The following MAPK4 variants were observed in gnomAD, a reference collection of about 807,000 sequenced individuals.
MAPK4 encodes the protein mitogen-activated protein kinase 4, also known as Erk3-related.
Under a neutral mutation model 47.7 loss-of-function variants are expected in MAPK4, and 22 were observed. The ratio of observed to expected loss-of-function variants is 0.46; its 90% CI spans 0.33 to 0.66. MAPK4 has a LOEUF of 0.66. MAPK4 is among the 30% of genes least tolerant of loss of function. MAPK4 has a pLI of 0.02. For missense variants in MAPK4, 736 were observed against 831.7 expected (o/e 0.88, Z 1.42); for synonymous variants, 390 against 365.7 (o/e 1.07, Z -0.76).
rs546684210 is a variant in MAPK4, at chr18:50,729,303, T to G, written c.1213T>G (p.Ser405Ala). 3 of 1,606,584 alleles carry G rather than the reference T, an allele frequency of 1.9e-6. No homozygotes were observed. Among genetic ancestry groups the G allele is most frequent in the Non-Finnish European group, 2.5e-6 (3 of 1,176,794 alleles). ...CCCGCGCAAGGACTCGCACAGCAGC[T>G]CCGAGCGCTTCCTAGAGCAGTCGCA... ...VDPRKDSHSS[S>A]ERFLEQSHSS... The change falls in exon 6 of 6, where the codon TCC becomes GCC. Residue 405 changes from serine (S) to alanine (A), a missense_variant. By Grantham distance (99) the Ser-to-Ala change is moderately conservative. Transcript: ENST00000400384.
At chr18:50,561,014 G>T (rs1270076868) in intron 1 of MAPK4, among the ~76,000 whole-genome samples, 1 of 152,272 alleles carries the variant, frequency 6.6e-6, no homozygotes, top group East Asian at 1.9e-4. Flanking sequence ...GATGCCCCGG[G>T]AGGGGGCTGT....
intron 5 of MAPK4, among the ~76,000 whole-genome samples, chr18:50,726,468 C>G (rs932216821): frequency 1.1e-4 from 16 of 152,104 alleles, no homozygotes; most frequent in Admixed American, 2.6e-4. Flanking sequence ...TTAGTGAACA[C>G]CATGGTAGGA....
chr18:50,665,507 G>T (rs1234913969), intron 2 of MAPK4, among the ~76,000 whole-genome samples: 1 of 152,242 alleles, frequency 6.6e-6, no homozygotes, highest in African/African-American at 2.4e-5. Context: ...CAAGGGGCTG[G>T]GGTGGGTCAT....
At chr18:50,725,125 T>C (rs916670041) in intron 4 of MAPK4, among the ~76,000 whole-genome samples, 2 of 152,192 alleles carry the variant, frequency 1.3e-5, no homozygotes, top group African/African-American at 4.8e-5. Context: ...TGAGTGTCCC[T>C]TCCCTTCCCC....
At chr18:50,627,458 T>G (rs963829705) in intron 1 of MAPK4, among the ~76,000 whole-genome samples, 10 of 152,194 alleles carry the variant, frequency 6.6e-5, no homozygotes, top group Non-Finnish European at 2.9e-5. Context: ...GCCCGAGCTC[T>G]GGAGGAAGGA....
At chr18:50,634,407 T>C (rs2042861330) in intron 1 of MAPK4, among the ~76,000 whole-genome samples, 1 of 151,248 alleles carries the variant, frequency 6.6e-6, no homozygotes, top group Non-Finnish European at 1.5e-5. Context: ...GAGTGAAAGA[T>C]CTGAGTGGTC....
chr18:50,709,179 C>T (rs1910218017), intron 2 of MAPK4, among the ~76,000 whole-genome samples: 1 of 152,148 alleles, frequency 6.6e-6, no homozygotes, highest in Admixed American at 6.5e-5. Context: ...ATTTCCACTG[C>T]TCCTCCACCG....
rs6508015 is a variant in MAPK4, at chr18:50,623,306, C to A, written c.-870-39783C>A. ...GATGCATCAAGCTCCTGCGAGCCAG[C>A]GGGGCTGGTTTCAAAAGAATTATTA... On this transcript the variant is annotated intron_variant, in intron 1 of 5. Transcript: ENST00000400384. Among the ~76,000 whole-genome samples the A allele has an allele frequency of 1.9e-3, 285 of 152,314 alleles. 3 individuals are homozygous for A. Among genetic ancestry groups the A allele is most frequent in the African/African-American group, 6.2e-3 (258 of 41,554 alleles).
intron 1 of MAPK4, among the ~76,000 whole-genome samples, chr18:50,652,268 G>A (rs72921838): frequency 0.046 from 7,079 of 152,276 alleles, 231 homozygotes; most frequent in Non-Finnish European, 0.066. Context: ...CAGAAAACAG[G>A]GAGATGCAAT....
At chr18:50,682,422 GAAT>G (rs1338758452) in intron 2 of MAPK4, among the ~76,000 whole-genome samples, 1 of 152,056 alleles carries the variant, frequency 6.6e-6, no homozygotes, top group Non-Finnish European at 1.5e-5. Flanking sequence ...AAATTGAAGA[GAAT>G]ACTTCCCAAC....
At chr18:50,615,562 T>C (rs1248447973) in intron 1 of MAPK4, among the ~76,000 whole-genome samples, 2 of 152,208 alleles carry the variant, frequency 1.3e-5, no homozygotes, top group African/African-American at 4.8e-5. Context: ...ACATCAATTC[T>C]ACACACATCC....
intron 2 of MAPK4, among the ~76,000 whole-genome samples, chr18:50,693,867 A>G (rs1329226856): frequency 6.6e-6 from 1 of 152,150 alleles, no homozygotes; most frequent in African/African-American, 2.4e-5. Flanking sequence ...TGACTCCAGG[A>G]CTTCTGACTT....
At chr18:50,566,117 G>GC (rs1328755406) in intron 1 of MAPK4, among the ~76,000 whole-genome samples, 1 of 152,112 alleles carries the variant, frequency 6.6e-6, no homozygotes, top group Non-Finnish European at 1.5e-5. Context: ...GACTGATCTG[G>GC]CAATGTATCA....
rs1910962323 is a variant in MAPK4 at position 50,722,033 on chromosome 18, T to A, written c.787T>A (p.Phe263Ile). ...KDELLRVMPSFVSSTWEVKRP... is the reference protein window; with the variant it reads ...KDELLRVMPSIVSSTWEVKRP... ...CGAGCTGCTCAGGGTGATGCCTTCC[T>A]TTGTCAGCAGCACCTGGGAGGTGAA... Residue 263 changes from phenylalanine to isoleucine, a missense_variant, in exon 4 of 6, where the codon TTT becomes ATT. By Grantham distance (21) the Phe-to-Ile change is conservative. Coordinates refer to ENST00000400384, the MANE Select transcript of MAPK4 (RefSeq NM_002747.4). 6.2e-7 allele frequency: 1 copy of A among 1,613,704 alleles called. No individual in the cohort carries two copies. Among genetic ancestry groups the A allele is most frequent in the African/African-American group, 1.3e-5 (1 of 74,914 alleles).
chr18:50,588,464 G>A (rs1357324626), intron 1 of MAPK4, among the ~76,000 whole-genome samples: 1 of 152,210 alleles, frequency 6.6e-6, no homozygotes, highest in Non-Finnish European at 1.5e-5. Context: ...AAAAGCCCCA[G>A]AATGAGCATC....
At chr18:50,705,066 A>G (rs911267111) in intron 2 of MAPK4, 1 of 310,350 alleles carries the variant, frequency 3.2e-6, no homozygotes, top group Non-Finnish European at 5.9e-6. Flanking sequence ...TAGCATGAAT[A>G]GCATGTTCAA....
chr18:50,594,173 T>A (rs1407841002), intron 1 of MAPK4, among the ~76,000 whole-genome samples: 1 of 152,208 alleles, frequency 6.6e-6, no homozygotes, highest in African/African-American at 2.4e-5. Context: ...GCTTATCCCA[T>A]CTTCTTCCGC....
chr18:50,601,324 A>G (rs1036377615), intron 1 of MAPK4, among the ~76,000 whole-genome samples: 17 of 111,706 alleles, frequency 1.5e-4, no homozygotes, highest in Admixed American at 1.5e-3. Flanking sequence ...AGAGAGCAAG[A>G]CTCTATGTCA....
At chr18:50,667,302 C>CACT in intron 2 of MAPK4, among the ~76,000 whole-genome samples, 1 of 152,334 alleles carries the variant, frequency 6.6e-6, no homozygotes, top group Non-Finnish European at 1.5e-5. Context: ...GTACCTAAGA[C>CACT]ATGGCCCTCA....
Sources: gnomAD v4.1 joint callset for allele counts (sites outside exome capture counted in the v4.1 genomes callset) on GRCh38, gnomAD v4.1.1 for gene constraint, MANE v1.5 for transcripts, NCBI Gene and HGNC (gene_info 2026-07-23, HGNC 2026-07-21) for gene names.